The following COPB1 variants were observed in gnomAD, a reference collection of about 807,000 sequenced individuals.
COPB1 encodes coat protein complex I subunit beta 1.
In COPB1, 21 loss-of-function variants were observed where a neutral mutation model predicts 108.7. That is an observed-to-expected ratio of 0.19 (90% CI 0.14 to 0.28). The LOEUF is 0.28. Among genes scored for constraint, COPB1 ranks in the 10% least tolerant of loss-of-function variants. The pLI is 1.00. For missense variants in COPB1, 919 were observed against 1,141.3 expected (o/e 0.81, Z 2.81); for synonymous variants, 378 against 386.8 (o/e 0.98, Z 0.27).
At chr11:14,467,242 T>C (rs1850303277) in intron 16 of COPB1, among the ~76,000 whole-genome samples, 1 of 152,038 alleles carries the variant, frequency 6.6e-6, no homozygotes, top group Admixed American at 6.6e-5. Flanking sequence ...TGAACAAACA[T>C]TTCTCCAAAG....
At chr11:14,478,622 TA>T (rs571407854) in intron 11 of COPB1, among the ~76,000 whole-genome samples, 28 of 151,342 alleles carry the variant, frequency 1.9e-4, no homozygotes, top group Admixed American at 1.5e-3. Flanking sequence ...TCATTTAGAT[TA>T]AAAAAATAAA....
intron 4 of COPB1, among the ~76,000 whole-genome samples, chr11:14,492,842 T>C (rs1462750491): frequency 6.6e-6 from 1 of 152,134 alleles, no homozygotes; most frequent in East Asian, 1.9e-4. Context: ...TTCCTTAAAT[T>C]GGTTTAAAAA....
chr11:14,457,880 T>C lies in COPB1; in HGVS notation c.2806A>G (p.Met936Val), dbSNP rs746341161. Residue 936 changes from methionine to valine, a missense_variant, in exon 22 of 22, where the codon ATG (methionine) becomes GTG (valine). Around this residue, in one of 5 missense-constraint regions of COPB1, gnomAD observed 705 missense variants for 817.8 expected, o/e 0.86. Coordinates refer to ENST00000439561, the MANE Select transcript of COPB1 (RefSeq NM_001144061.2). ...HIRIRAKSQG[M>V]ALSLGDKINL... ...ATTTTATCTCCAAGACTTAAGGCCATTCCCTGTAAAGAAAAATTAAGATAT... is the reference window on the plus strand; with the variant it reads ...ATTTTATCTCCAAGACTTAAGGCCACTCCCTGTAAAGAAAAATTAAGATAT... The C allele has an allele frequency of 2.6e-6, 4 of 1,562,158 alleles. No individual in the cohort carries two copies. Among genetic ancestry groups the C allele is most frequent in the Non-Finnish European group, 3.5e-6 (4 of 1,145,518 alleles).
intron 11 of COPB1, among the ~76,000 whole-genome samples, 187 bp from the exon 12 acceptor site, chr11:14,477,202 T>C (rs980528682): frequency 6.7e-6 from 1 of 148,900 alleles, no homozygotes; most frequent in Non-Finnish European, 1.5e-5. Context: ...GCTAACATGG[T>C]GAAATCACGT....
At chr11:14,470,653 G>C (rs572343103) in intron 14 of COPB1, among the ~76,000 whole-genome samples, 3 of 152,032 alleles carry the variant, frequency 2.0e-5, no homozygotes, top group Admixed American at 6.6e-5. Context: ...CAGCAGAAGA[G>C]TAAGTATATG....
chr11:14,472,054 C>T (rs545669141), intron 14 of COPB1, among the ~76,000 whole-genome samples: 1 of 152,274 alleles, frequency 6.6e-6, no homozygotes, highest in African/African-American at 2.4e-5. Flanking sequence ...CTGAAGGAAT[C>T]AAAAGGAGTC....
Position 14,488,584 on chromosome 11 carries a change from C to A in COPB1, c.607G>T (p.Asp203Tyr). Residue 203 changes from aspartate (D) to tyrosine (Y), a missense_variant and splice_region_variant, in exon 6 of 22, where the codon GAT becomes TAT. Around this residue, in one of 5 missense-constraint regions of COPB1, gnomAD observed 78 missense variants for 95.4 expected, o/e 0.82. Transcript: ENST00000439561. ...GTACTTAAGTAATCCAAAGCTCGAT[C>A]CTAAAAAAAATAAGAATATATTTAT... ...AFMMLIHADQ[D>Y]RALDYLSTCI... is the part of the protein sequence containing the mutation. The A allele has an allele frequency of 1.3e-6, 2 of 1,589,172 alleles. No homozygotes were observed. Among genetic ancestry groups the A allele is most frequent in the Non-Finnish European group, 1.7e-6 (2 of 1,165,210 alleles).
intron 16 of COPB1, 140 bp from the exon 17 acceptor site, chr11:14,466,566 T>A (rs919065990): frequency 2.6e-6 from 2 of 772,304 alleles, no homozygotes; most frequent in Non-Finnish European, 4.0e-6. Context: ...AAAATTGTTT[T>A]ATAATGCAGA....
rs566993114 is a variant in COPB1, at chr11:14,498,165, A to G, written c.91+673T>C. 2.0e-5 allele frequency among the ~76,000 whole-genome samples: 3 copies of G among 152,326 alleles called. No homozygotes were observed. In the South Asian group the frequency reaches 6.2e-4, roughly 32 times the overall value. ...TTAATTGGACATTTAAAAATAACTGAAAGTGTAACTGGATTGTCACACAGA... is the reference window on the plus strand; with the variant it reads ...TTAATTGGACATTTAAAAATAACTGGAAGTGTAACTGGATTGTCACACAGA... On this transcript the variant is annotated intron_variant, in intron 2 of 21. Coordinates refer to ENST00000439561, the MANE Select transcript of COPB1 (RefSeq NM_001144061.2).
chr11:14,492,636 C>T (rs1850932820), intron 4 of COPB1, among the ~76,000 whole-genome samples: 1 of 152,034 alleles, frequency 6.6e-6, no homozygotes, highest in South Asian at 2.1e-4. Flanking sequence ...AGCCACCACG[C>T]CTGGCTCATC....
In COPB1 at chr11:14,479,723, A is replaced by C; in HGVS notation, c.1213-9T>G. 1.6e-6 allele frequency: 2 copies of C among 1,286,204 alleles called. No individual in the cohort carries two copies. Among genetic ancestry groups the C allele is most frequent in the Non-Finnish European group, 1.1e-6 (1 of 952,000 alleles). 79.7% of individuals were successfully genotyped at this position (1,286,204 alleles called of 1,614,324 possible). ...CTGAGAAATTCCATTAACTAAAAGA[A>C]AAAAAAAAAAAAGAAAATGGAACTA... On this transcript the variant is annotated splice_polypyrimidine_tract_variant and intron_variant, in intron 10 of 21. Transcript: ENST00000439561.
intron 15 of COPB1, 104 bp from the exon 16 acceptor site, chr11:14,468,964 AAAC>A (rs1170202427): frequency 2.6e-5 from 24 of 938,466 alleles, no homozygotes; most frequent in African/African-American, 1.7e-4. Context: ...AAAATCAACA[AAAC>A]AACAAGAAAA....
chr11:14,475,994 C>A, intron 12 of COPB1, 49 bp from the exon 13 acceptor site: 1 of 1,422,612 alleles, frequency 7.0e-7, no homozygotes, highest in Non-Finnish European at 9.4e-7. Flanking sequence ...CAACAGCAAG[C>A]AAAATTATCT....
At chr11:14,487,913 T>C (rs186862759) in intron 6 of COPB1, among the ~76,000 whole-genome samples, 19 of 152,334 alleles carry the variant, frequency 1.2e-4, no homozygotes, top group Admixed American at 8.5e-4. Context: ...AATAGCAAAG[T>C]TGGATCTTCT....
intron 14 of COPB1, among the ~76,000 whole-genome samples, chr11:14,471,794 C>T (rs754724309): frequency 6.6e-6 from 1 of 151,972 alleles, no homozygotes; most frequent in Admixed American, 6.6e-5. Flanking sequence ...TGGTGGCAGG[C>T]GCCTGTAGCC....
chr11:14,473,588 CACA>C (rs913587800), intron 14 of COPB1, among the ~76,000 whole-genome samples: 8 of 49,166 alleles, frequency 1.6e-4, no homozygotes, highest in Admixed American at 1.0e-3. Flanking sequence ...CCGGAACACA[CACA>C]ACAATTATTG....
At chr11:14,473,195 G>A (rs997816327) in intron 14 of COPB1, among the ~76,000 whole-genome samples, 2 of 152,084 alleles carry the variant, frequency 1.3e-5, no homozygotes, top group Non-Finnish European at 2.9e-5. Context: ...GGCTGGTCTC[G>A]AACTCCTGAC....
intron 3 of COPB1, 52 bp from the exon 4 acceptor site, chr11:14,493,863 G>A: frequency 2.9e-6 from 4 of 1,399,820 alleles, no homozygotes; most frequent in East Asian, 2.6e-5. Context: ...TTTACAAAAA[G>A]AAAATTTTAA....
At position 14,470,364 on chromosome 11, in the gene COPB1, G is replaced by C. The variant is rs369741050; in HGVS notation, c.1738-801C>G. Among the ~76,000 whole-genome samples the C allele has an allele frequency of 1.1e-3, 161 of 152,234 alleles. 1 individual carries two copies. Among genetic ancestry groups the C allele is most frequent in the African/African-American group, 3.8e-3 (157 of 41,532 alleles). On this transcript the variant is annotated intron_variant, in intron 14 of 21. Coordinates refer to ENST00000439561, the MANE Select transcript of COPB1 (RefSeq NM_001144061.2). ...TAAAGTTAGGCTGTCCAATTATTGT[G>C]CTGCTAAGCGTGATCACCTGATGCT...
Sources: gnomAD v4.1 joint callset for allele counts (sites outside exome capture counted in the v4.1 genomes callset) on GRCh38, gnomAD v4.1.1 for gene constraint, gnomAD v4.1.1 regional missense constraint, MANE v1.5 for transcripts, NCBI Gene and HGNC (gene_info 2026-07-23, HGNC 2026-07-21) for gene names.